The following RBFOX1 variants were observed in gnomAD, a reference collection of about 807,000 sequenced individuals.
RBFOX1 encodes the protein RNA binding fox-1 homolog 1, also known as RNA binding protein fox-1 homolog 1.
In RBFOX1, 8 loss-of-function variants were observed where a neutral mutation model predicts 57.7. The observed-to-expected ratio is 0.14, with a 90% confidence interval of 0.08 to 0.25. The LOEUF (loss-of-function observed/expected upper bound fraction) is 0.25, where lower values mean the gene tolerates loss of function less well. Ranked by LOEUF, RBFOX1 falls within the 10% of genes least tolerant of loss-of-function variation. The probability of loss-of-function intolerance (pLI) is 1.00; values close to 1 mark genes in which losing one functional copy is unlikely to be tolerated. For synonymous variants in RBFOX1, 326 were observed against 222.4 expected (o/e 1.47, Z -4.15); for missense variants, 611 against 548.5 (o/e 1.11, Z -1.14).
chr16:7,078,399 G>A (rs989242079), intron 4 of RBFOX1, among the ~76,000 whole-genome samples: 4 of 152,186 alleles, frequency 2.6e-5, no homozygotes, highest in African/African-American at 9.6e-5. Context: ...CCAGTCTGGA[G>A]TGCAGTGGCA....
chr16:7,160,387 C>T (rs2078058619), intron 4 of RBFOX1, among the ~76,000 whole-genome samples: 1 of 152,092 alleles, frequency 6.6e-6, no homozygotes, highest in Non-Finnish European at 1.5e-5. Context: ...TTCTTCTCTT[C>T]TGTACTTTTC....
At chr16:6,872,009 A>G (rs74010144) in intron 3 of RBFOX1, among the ~76,000 whole-genome samples, 4,196 of 149,496 alleles carry the variant, frequency 0.028, 212 homozygotes, top group African/African-American at 0.098. Flanking sequence ...TGTATACTCA[A>G]TCCTATTGTT....
chr16:6,446,475 T>A (rs1177375731), intron 2 of RBFOX1, among the ~76,000 whole-genome samples: 5 of 152,198 alleles, frequency 3.3e-5, no homozygotes, highest in African/African-American at 4.8e-5. Flanking sequence ...TCAAGTAACA[T>A]AGAAGGGACC....
At chr16:7,238,971 C>T (rs2093918884) in intron 4 of RBFOX1, among the ~76,000 whole-genome samples, 1 of 152,170 alleles carries the variant, frequency 6.6e-6, no homozygotes, top group Admixed American at 6.5e-5. Context: ...AGGACATGAT[C>T]TTGTTCTTTT....
At chr16:7,151,071 G>A (rs1296952615) in intron 4 of RBFOX1, among the ~76,000 whole-genome samples, 1 of 152,158 alleles carries the variant, frequency 6.6e-6, no homozygotes, top group East Asian at 1.9e-4. Flanking sequence ...AAATGACAGA[G>A]GCTGTTAAGT....
intron 3 of RBFOX1, among the ~76,000 whole-genome samples, chr16:5,622,626 C>T (rs115641409): frequency 0.016 from 2,434 of 152,316 alleles, 69 homozygotes; most frequent in African/African-American, 0.056. Flanking sequence ...AAATCCGGCC[C>T]GATGCCTGTG....
chr16:7,584,231 G>A (rs1286020395), intron 6 of RBFOX1, among the ~76,000 whole-genome samples: 3 of 152,152 alleles, frequency 2.0e-5, no homozygotes, highest in African/African-American at 7.2e-5. Flanking sequence ...TTTGATCTGA[G>A]AACATCTAAA....
At chr16:5,635,423 A>C (rs982122702) in intron 3 of RBFOX1, among the ~76,000 whole-genome samples, 1 of 152,162 alleles carries the variant, frequency 6.6e-6, no homozygotes, top group Non-Finnish European at 1.5e-5. Context: ...TCCATTCCTC[A>C]TGGAGTTAAG....
In RBFOX1 at chr16:7,188,560, C is replaced by T. The variant is rs1602330464; in HGVS notation, c.27+136462C>T. 2.6e-5 allele frequency among the ~76,000 whole-genome samples: 4 copies of T among 152,246 alleles called. No individual in the cohort carries two copies. In the South Asian group the frequency reaches 8.3e-4, roughly 32 times the overall value. On this transcript the variant is annotated intron_variant, in intron 4 of 15. Transcript: ENST00000550418. ...TTTTCTCCCCATCACCCACCTCGTTCCCTGAATGCTATTTTATACTCTAAG... is the reference window on the plus strand; with the variant it reads ...TTTTCTCCCCATCACCCACCTCGTTTCCTGAATGCTATTTTATACTCTAAG...
intron 1 of RBFOX1, among the ~76,000 whole-genome samples, chr16:6,165,456 G>T (rs2096910244): frequency 6.6e-6 from 1 of 152,114 alleles, no homozygotes; most frequent in Admixed American, 6.6e-5. Flanking sequence ...ACCTAGGAAG[G>T]AGCTATTTGC....
intron 3 of RBFOX1, among the ~76,000 whole-genome samples, chr16:6,965,062 G>C (rs935915294): frequency 6.6e-6 from 1 of 152,076 alleles, no homozygotes; most frequent in African/African-American, 2.4e-5. Context: ...CCTGGAGTCT[G>C]GGGGTGGCAG....
At chr16:5,555,858 C>A (rs141920565) in intron 2 of RBFOX1, among the ~76,000 whole-genome samples, 1 of 151,796 alleles carries the variant, frequency 6.6e-6, no homozygotes, top group African/African-American at 2.4e-5. Flanking sequence ...CCCATATCTA[C>A]TAAAAATACA....
intron 3 of RBFOX1, among the ~76,000 whole-genome samples, chr16:6,850,839 C>T (rs1567552826): frequency 1.3e-5 from 2 of 152,164 alleles, no homozygotes; most frequent in African/African-American, 2.4e-5. Context: ...ACTAAGCATG[C>T]ACCTCCCATA....
At chr16:5,408,936 C>A (rs1474083405) in intron 1 of RBFOX1, among the ~76,000 whole-genome samples, 1 of 152,230 alleles carries the variant, frequency 6.6e-6, no homozygotes, top group African/African-American at 2.4e-5. Context: ...CCGTTCACCT[C>A]CCACCAGGCC....
intron 4 of RBFOX1, among the ~76,000 whole-genome samples, chr16:7,289,182 G>C (rs1485369912): frequency 6.6e-6 from 1 of 152,164 alleles, no homozygotes; most frequent in Admixed American, 6.5e-5. Context: ...GTGATGATGG[G>C]TATTACATTT....
intron 1 of RBFOX1, among the ~76,000 whole-genome samples, chr16:6,249,269 A>T (rs955961017): frequency 6.6e-6 from 1 of 152,086 alleles, no homozygotes; most frequent in Admixed American, 6.6e-5. Context: ...ACTTGTGACC[A>T]TAATCCCAGC....
chr16:5,327,704 C>T (rs1167907393), intron 1 of RBFOX1, among the ~76,000 whole-genome samples: 1 of 152,194 alleles, frequency 6.6e-6, no homozygotes, highest in East Asian at 1.9e-4. Context: ...TCCCCGATTC[C>T]CTGGCCTCAG....
intron 1 of RBFOX1, among the ~76,000 whole-genome samples, chr16:6,188,622 C>T (rs1026561672): frequency 6.6e-6 from 1 of 151,982 alleles, no homozygotes; most frequent in Non-Finnish European, 1.5e-5. Flanking sequence ...TTCCCAGCTA[C>T]CAGAGAGCTG....
intron 3 of RBFOX1, among the ~76,000 whole-genome samples, chr16:6,964,120 C>A (rs968435852): frequency 2.0e-5 from 3 of 152,078 alleles, no homozygotes; most frequent in Non-Finnish European, 2.9e-5. Context: ...CCGAATCAAG[C>A]GATTCTCCTG....
Sources: allele counts gnomAD v4.1 joint callset (sites outside exome capture counted in the v4.1 genomes callset), GRCh38; gene constraint gnomAD v4.1.1; transcripts MANE v1.5; gene names NCBI Gene and HGNC (gene_info 2026-07-23, HGNC 2026-07-21).